Variants in PCDHA6 observed in about 807,000 individuals in gnomAD.
PCDHA6 encodes the protein protocadherin alpha-6.
In PCDHA6, 55 loss-of-function variants were observed where a neutral mutation model predicts 60.3. The observed-to-expected ratio is 0.91, with a 90% CI of 0.73 to 1.14. The LOEUF (loss-of-function observed/expected upper bound fraction) is 1.14. PCDHA6 is among the 50% of genes most tolerant of loss of function. PCDHA6 has a pLI of 0.00. For synonymous variants in PCDHA6, 652 were observed against 557.9 expected, an observed-to-expected ratio of 1.17 and a Z score of -2.38; for missense variants, 1,327 against 1,256.5, an observed-to-expected ratio of 1.06 and a Z score of -0.85.
intron 3 of PCDHA6, among the ~76,000 whole-genome samples, chr5:141,007,961 C>G (rs1554261577): frequency 6.6e-6 from 1 of 152,176 alleles, no homozygotes; most frequent in East Asian, 1.9e-4. Flanking sequence ...TGCTCATTCT[C>G]TGGGTGTCTG....
intron 1 of PCDHA6, chr5:140,843,513 G>A (rs1554140161): frequency 6.3e-7 from 1 of 1,595,848 alleles, no homozygotes; most frequent in East Asian, 2.2e-5. Context: ...ACTGAGGGCG[G>A]GTGCCGGGCG....
At chr5:140,903,302 T>C (rs1299735621) in intron 1 of PCDHA6, among the ~76,000 whole-genome samples, 2 of 152,136 alleles carry the variant, frequency 1.3e-5, no homozygotes, top group Admixed American at 6.5e-5. Flanking sequence ...AAATTTAGTA[T>C]ACAATAAAGA....
chr5:140,999,775 A>T (rs2097875590), intron 3 of PCDHA6, among the ~76,000 whole-genome samples: 1 of 152,178 alleles, frequency 6.6e-6, no homozygotes, highest in African/African-American at 2.4e-5. Context: ...TATACTCTTA[A>T]CCTAGAAATG....
At chr5:140,928,942 T>G in intron 1 of PCDHA6, 1 of 1,614,062 alleles carries the variant, frequency 6.2e-7, no homozygotes, top group Non-Finnish European at 8.5e-7. Flanking sequence ...GAACTTGTAT[T>G]TAGTAATTGC....
intron 1 of PCDHA6, among the ~76,000 whole-genome samples, chr5:140,846,372 T>C (rs1014223048): frequency 1.5e-5 from 1 of 66,612 alleles, no homozygotes; most frequent in Non-Finnish European, 3.6e-5. Flanking sequence ...TTTCTTTCTT[T>C]CTTTTTTTTT....
intron 1 of PCDHA6, among the ~76,000 whole-genome samples, chr5:140,840,970 A>G (rs1440529363): frequency 2.6e-5 from 4 of 152,082 alleles, no homozygotes; most frequent in African/African-American, 7.2e-5. Flanking sequence ...TTCCTTATGA[A>G]GAAGAAATCC....
intron 1 of PCDHA6, chr5:140,876,682 T>C (rs782271076): frequency 5.6e-6 from 9 of 1,614,180 alleles, no homozygotes; most frequent in Non-Finnish European, 4.2e-6. Context: ...CTACAAGAAT[T>C]ACTACTCGTT....
chr5:140,976,449 G>T (rs1554237649), intron 1 of PCDHA6, among the ~76,000 whole-genome samples: 1 of 152,136 alleles, frequency 6.6e-6, no homozygotes, highest in Non-Finnish European at 1.5e-5. Flanking sequence ...TACTAGGGAG[G>T]CTGGGGAAGA....
chr5:140,828,303 G>A lies in PCDHA6; in HGVS notation c.212G>A (p.Arg71His). The A allele has an allele frequency of 1.2e-6, 2 of 1,614,088 alleles. No homozygotes were observed. The highest frequency in any genetic ancestry group is 8.5e-7 in the Non-Finnish European group (1 of 1,180,032). The change falls in exon 1 of 4, where the codon CGC (arginine) becomes CAC (histidine). Residue 71 changes from arginine to histidine, a missense_variant. Arg to His is a conservative substitution (Grantham distance 29). Transcript: ENST00000529310. Reference protein sequence around the residue: ...PRLFRMASKDREDLLEVNLQN... With the variant: ...PRLFRMASKDHEDLLEVNLQN... ...CTGTTCAGGATGGCCTCCAAAGACCGCGAGGACCTTCTGGAGGTAAATCTG... is the reference window on the plus strand; with the variant it reads ...CTGTTCAGGATGGCCTCCAAAGACCACGAGGACCTTCTGGAGGTAAATCTG...
At chr5:140,889,456 T>A (rs1328565593) in intron 1 of PCDHA6, among the ~76,000 whole-genome samples, 1 of 152,126 alleles carries the variant, frequency 6.6e-6, no homozygotes, top group Admixed American at 6.5e-5. Flanking sequence ...TTAATCTAAA[T>A]TTTCAGTTAT....
chr5:141,002,189 C>T (rs1277871243), intron 3 of PCDHA6, among the ~76,000 whole-genome samples: 4 of 152,220 alleles, frequency 2.6e-5, no homozygotes, highest in African/African-American at 9.6e-5. Flanking sequence ...TGCTGTCTGG[C>T]AAGATAGTCC....
In PCDHA6 at chr5:140,834,452, T is replaced by C. The variant is rs2150218542; in HGVS notation, c.2394+3967T>C. On this transcript the variant is annotated intron_variant, in intron 1 of 3. Coordinates refer to ENST00000529310, the MANE Select transcript of PCDHA6 (RefSeq NM_018909.4). ...TGCTGTTTATTATAATTCTAGCAGC[T>C]TGGGAGGCAGGGAGAGGCCAGCTCC... 1.4e-4 allele frequency: 225 copies of C among 1,593,388 alleles called. 2 individuals are homozygous for C. The South Asian group carries it at 2.5e-3, about 18-fold the overall frequency.
At chr5:140,877,990 T>C in intron 1 of PCDHA6, 1 of 1,127,766 alleles carries the variant, frequency 8.9e-7, no homozygotes. Flanking sequence ...TTTTGAACTT[T>C]TATGTATTTG....
At chr5:140,921,681 C>T (rs1554200353) in intron 1 of PCDHA6, among the ~76,000 whole-genome samples, 1 of 152,136 alleles carries the variant, frequency 6.6e-6, no homozygotes, top group East Asian at 1.9e-4. Context: ...TATCATCAAA[C>T]ACTGGCCACC....
intron 1 of PCDHA6, chr5:140,927,266 C>T (rs1554204259): frequency 6.2e-7 from 1 of 1,614,146 alleles, no homozygotes. Flanking sequence ...CCTCTCTTTC[C>T]TGCCGGCGAC....
At chr5:140,983,977 C>T (rs566705604) in intron 3 of PCDHA6, among the ~76,000 whole-genome samples, 20 of 152,234 alleles carry the variant, frequency 1.3e-4, no homozygotes, top group Non-Finnish European at 2.4e-4. Flanking sequence ...AAAAAATATA[C>T]GAGTTGAAGC....
At chr5:140,900,498 A>G (rs1554189212) in intron 1 of PCDHA6, among the ~76,000 whole-genome samples, 1 of 152,172 alleles carries the variant, frequency 6.6e-6, no homozygotes, top group Non-Finnish European at 1.5e-5. Context: ...ACTGGTCTCA[A>G]ATTCCCAGCC....
chr5:140,955,234 G>C (rs1373509371), intron 1 of PCDHA6, among the ~76,000 whole-genome samples: 12 of 152,184 alleles, frequency 7.9e-5, no homozygotes, highest in Middle Eastern at 3.4e-3. Flanking sequence ...TTGTTCTTTT[G>C]CTTAGGATCG....
At chr5:140,893,273 A>G (rs1381847994) in intron 1 of PCDHA6, among the ~76,000 whole-genome samples, 1 of 152,150 alleles carries the variant, frequency 6.6e-6, no homozygotes, top group Non-Finnish European at 1.5e-5. Context: ...CAATAGTGGA[A>G]TTGCTGGATG....
Sources: gnomAD v4.1 joint callset for allele counts (sites outside exome capture counted in the v4.1 genomes callset) on GRCh38, gnomAD v4.1.1 for gene constraint, MANE v1.5 for transcripts, NCBI Gene and HGNC (gene_info 2026-07-23, HGNC 2026-07-21) for gene names.